PIGN: variants seen among roughly 807,000 people sequenced by gnomAD.
PIGN encodes phosphatidylinositol glycan anchor biosynthesis class N, also known as GPI ethanolamine phosphate transferase 1.
PIGN carries 117 observed loss-of-function variants against 125.4 expected under a neutral mutation model. The ratio of observed to expected loss-of-function variants is 0.93; its 90% CI spans 0.80 to 1.09. The LOEUF (loss-of-function observed/expected upper bound fraction) is 1.09. Among genes scored for constraint, PIGN ranks in the 50% least tolerant of loss-of-function variants. PIGN has a pLI of 0.00. For missense variants in PIGN, 1,075 were observed against 1,094.9 expected (o/e 0.98, Z 0.26); for synonymous variants, 392 against 377.8 (o/e 1.04, Z -0.44).
intron 7 of PIGN, among the ~76,000 whole-genome samples, chr18:62,151,708 A>C (rs758436166): frequency 5.6e-4 from 85 of 152,304 alleles, no homozygotes; most frequent in Non-Finnish European, 1.1e-3. Flanking sequence ...TTGTAAATAA[A>C]CTTCCATTGC....
At chr18:62,101,284 G>GA (rs1409805533) in intron 21 of PIGN, 101 bp from the exon 22 acceptor site, 3 of 687,904 alleles carry the variant, frequency 4.4e-6, no homozygotes, top group East Asian at 2.7e-5. Flanking sequence ...TTAAAATGTG[G>GA]AAAAAATGTG....
At chr18:62,106,380 G>GA (rs5825476) in intron 19 of PIGN, among the ~76,000 whole-genome samples, 69,097 of 147,466 alleles carry the variant, frequency 0.47, 18,433 homozygotes, top group Admixed American at 0.6. Flanking sequence ...TACTTATCCA[G>GA]AAAAAAAAAA....
chr18:62,118,642 G>A (rs538357914), intron 14 of PIGN: 4 of 152,128 alleles, frequency 2.6e-5, no homozygotes, highest in Non-Finnish European at 4.4e-5. Flanking sequence ...TGCCAATGCA[G>A]CCAGAACTTG....
chr18:62,034,417 G>A (rs1457634385), intron 23 of PIGN, among the ~76,000 whole-genome samples: 1 of 152,088 alleles, frequency 6.6e-6, no homozygotes, highest in African/African-American at 2.4e-5. Flanking sequence ...CCAGACCCCA[G>A]AATGGTAGAT....
At position 62,101,135 on chromosome 18, in the gene PIGN, T is replaced by C. The variant is rs754285689; in HGVS notation, c.2017A>G (p.Ser673Gly). ...GGCAGTCCTTGCTTCCTGAGTAGACTACTCTGAGTGCTATACACAACATAC... is the reference window on the plus strand; with the variant it reads ...GGCAGTCCTTGCTTCCTGAGTAGACCACTCTGAGTGCTATACACAACATAC... The part of the protein sequence containing the change: ...SMYVVYSTQS[S>G]LLRKQGLPLM... Residue 673 changes from serine to glycine, a missense_variant, in exon 22 of 31, where the codon AGT becomes GGT. By Grantham distance (56) the Ser-to-Gly change is moderately conservative. Coordinates refer to ENST00000640252, the MANE Select transcript of PIGN (RefSeq NM_176787.5). 2.5e-5 allele frequency: 40 copies of C among 1,611,822 alleles called. No individual in the cohort carries two copies. In the East Asian group the frequency reaches 5.4e-4, roughly 22 times the overall value.
intron 1 of PIGN, among the ~76,000 whole-genome samples, chr18:62,186,041 ATTTTTTTTTTTTTTTTT>A (rs755658401): frequency 9.8e-6 from 1 of 102,234 alleles, no homozygotes; most frequent in South Asian, 3.4e-4. Flanking sequence ...AGCGGAATTG[ATTTTTTTTTTTTTTTTT>A]TTTTTTTTTT....
intron 23 of PIGN, among the ~76,000 whole-genome samples, chr18:62,022,538 C>T (rs1007327816): frequency 8.5e-5 from 13 of 152,086 alleles, no homozygotes; most frequent in Non-Finnish European, 1.5e-4. Flanking sequence ...TAGTGCAGGA[C>T]TATAAAAATG....
At chr18:62,135,812 G>A (rs2035910894) in intron 14 of PIGN, 1 of 151,654 alleles carries the variant, frequency 6.6e-6, no homozygotes, top group Non-Finnish European at 1.5e-5. Context: ...TTTTTTGGTA[G>A]AGACAGGGTT....
rs2032433879 is a variant in PIGN at position 62,065,166 on chromosome 18, G to A, written c.2672+7507C>T. On this transcript the variant is annotated intron_variant, in intron 30 of 30. Coordinates refer to ENST00000640252, the MANE Select transcript of PIGN (RefSeq NM_176787.5). ...CCTTTATTCCTTCTTTCCTTTGCATGCCTTCCTTCCTTCCTTTCTCTTTCT... is the reference window on the plus strand; with the variant it reads ...CCTTTATTCCTTCTTTCCTTTGCATACCTTCCTTCCTTCCTTTCTCTTTCT... 5.3e-5 allele frequency among the ~76,000 whole-genome samples: 8 copies of A among 151,854 alleles called. 2 individuals carry two copies. Among genetic ancestry groups the A allele is most frequent in the Admixed American group, 5.2e-4 (8 of 15,246 alleles).
downstream of PIGN, among the ~76,000 whole-genome samples, chr18:62,037,593 A>G (rs538149229): frequency 6.6e-6 from 1 of 152,364 alleles, no homozygotes; most frequent in Non-Finnish European, 1.5e-5. Flanking sequence ...CAGCGGGTCC[A>G]TGCTCTGTGT....
chr18:62,038,669 G>A (rs1003382246), downstream of PIGN, among the ~76,000 whole-genome samples: 24 of 152,190 alleles, frequency 1.6e-4, no homozygotes, highest in African/African-American at 3.4e-4. Flanking sequence ...ACAGTGGCTC[G>A]TGCCTCTGAT....
chr18:62,156,103 T>C (rs551961015), intron 6 of PIGN, among the ~76,000 whole-genome samples: 43 of 152,194 alleles, frequency 2.8e-4, no homozygotes, highest in Non-Finnish European at 5.7e-4. Flanking sequence ...TTTAATGACA[T>C]GAAATTCATC....
chr18:62,157,765 GT>G lies in PIGN; in HGVS notation c.264del (p.Arg89ValfsTer11), dbSNP rs754626783. The G allele has an allele frequency of 6.2e-7, 1 of 1,612,088 alleles. No individual in the cohort carries two copies. The highest frequency in any genetic ancestry group is 1.3e-5 in the African/African-American group (1 of 75,002). ...MHEGSWGISH[T>X]RVPTESRPGH... ...CCTGGCCGAGATTCTGTTGGCACAC[GT>G]GTATGAGATATGCCCCAGCTGCCTT... On this transcript the variant is annotated frameshift_variant, in exon 5 of 31. Transcript: ENST00000640252. LOFTEE classifies it high-confidence loss of function.
intron 15 of PIGN, among the ~76,000 whole-genome samples, chr18:62,113,999 G>C (rs1009338849): frequency 2.6e-5 from 4 of 152,114 alleles, no homozygotes; most frequent in Non-Finnish European, 5.9e-5. Context: ...ACATTAAGAA[G>C]GGTGACACAA....
At chr18:62,066,238 G>A (rs1437950205) in intron 30 of PIGN, among the ~76,000 whole-genome samples, 1 of 152,156 alleles carries the variant, frequency 6.6e-6, no homozygotes, top group Non-Finnish European at 1.5e-5. Context: ...GGCAGTGACT[G>A]AGCAGCCTAC....
At chr18:62,082,139 G>A (rs758844202) in intron 28 of PIGN, among the ~76,000 whole-genome samples, 1 of 151,944 alleles carries the variant, frequency 6.6e-6, no homozygotes, top group Non-Finnish European at 1.5e-5. Context: ...TGCTTAAGAC[G>A]GACTGCTCCA....
chr18:62,088,386 G>T (rs545763206), intron 25 of PIGN: 12 of 161,218 alleles, frequency 7.4e-5, no homozygotes, highest in South Asian at 1.8e-4. Flanking sequence ...CACATAAAAA[G>T]ATATGAACTC....
At chr18:62,117,477 A>G (rs2035129707) in intron 14 of PIGN, among the ~76,000 whole-genome samples, 1 of 152,086 alleles carries the variant, frequency 6.6e-6, no homozygotes, top group African/African-American at 2.4e-5. Context: ...AAATAGAAAA[A>G]AGAACTGTTA....
chr18:62,120,726 AG>A (rs919703211), intron 14 of PIGN, among the ~76,000 whole-genome samples: 3 of 152,076 alleles, frequency 2.0e-5, no homozygotes, highest in African/African-American at 7.2e-5. Context: ...ATATGTGGGC[AG>A]GGGAGGGCTG....
Sources: gnomAD v4.1 joint callset for allele counts (sites outside exome capture counted in the v4.1 genomes callset) on GRCh38, gnomAD v4.1.1 for gene constraint, MANE v1.5 for transcripts, NCBI Gene and HGNC (gene_info 2026-07-23, HGNC 2026-07-21) for gene names.